DCHS2: variants seen among roughly 807,000 people sequenced by gnomAD.
DCHS2 encodes the protein protocadherin-23.
Under a neutral mutation model 182.4 loss-of-function variants are expected in DCHS2, and 142 were observed. The ratio of observed to expected loss-of-function variants is 0.78; its 90% CI spans 0.68 to 0.89. The LOEUF (loss-of-function observed/expected upper bound fraction) is 0.89, where lower values mean the gene tolerates loss of function less well. DCHS2 is among the 40% of genes least tolerant of loss of function. The probability of loss-of-function intolerance (pLI) is 0.00; values close to 1 mark genes in which losing one functional copy is unlikely to be tolerated. For synonymous variants in DCHS2, 1,740 were observed against 1,663.3 expected, an observed-to-expected ratio of 1.05 and a Z score of -1.12; for missense variants, 4,319 against 4,198.6, an observed-to-expected ratio of 1.03 and a Z score of -0.79.
In DCHS2 at chr4:154,320,376, T is replaced by G; in HGVS notation, c.5020+3A>C. The G allele has an allele frequency of 6.2e-6, 10 of 1,612,784 alleles. No individual in the cohort carries two copies. Among genetic ancestry groups the G allele is most frequent in the Non-Finnish European group, 8.5e-6 (10 of 1,179,186 alleles). On this transcript the variant is annotated splice_donor_region_variant and intron_variant, in intron 9 of 19. Coordinates refer to ENST00000357232, the MANE Select transcript of DCHS2 (RefSeq NM_001358235.2). ...TTTAAAAGTGACATATAGGGCACTG[T>G]ACCTGATGACTCATCTAGCATAAAC...
At chr4:154,261,693 AC>A (rs376356212) in intron 14 of DCHS2, 1 of 151,948 alleles carries the variant, frequency 6.6e-6, no homozygotes, top group Non-Finnish European at 1.5e-5. Context: ...GGAAAAAAAA[AC>A]AATATATATT....
intron 3 of DCHS2, among the ~76,000 whole-genome samples, chr4:154,360,484 TAG>T (rs1220454419): frequency 2.0e-5 from 3 of 152,134 alleles, no homozygotes; most frequent in Non-Finnish European, 4.4e-5. Flanking sequence ...TGATTAATTT[TAG>T]ACTCTGTCTT....
chr4:154,414,484 TTTC>T (rs143328783), intron 1 of DCHS2, among the ~76,000 whole-genome samples: 19,665 of 113,010 alleles, frequency 0.17, 1,557 homozygotes, highest in East Asian at 0.37. Flanking sequence ...TCCATACAGC[TTTC>T]TTTTTTTTTT....
rs759909081 is a variant in DCHS2 at position 154,366,233 on chromosome 4, A to T, written c.2453T>A (p.Leu818His). 3.7e-6 allele frequency: 6 copies of T among 1,613,584 alleles called. No individual in the cohort carries two copies. The highest frequency in any genetic ancestry group is 2.7e-5 in the African/African-American group (2 of 74,904). ...YELIPGNVSS[L>H]FTIDSTTGII... ...ACCTGTGGTGGAGTCAATGGTAAAAAGGGACGACACGTTTCCTGGAATAAG... is the reference window on the plus strand; with the variant it reads ...ACCTGTGGTGGAGTCAATGGTAAAATGGGACGACACGTTTCCTGGAATAAG... The change falls in exon 3 of 20, where the codon CTT becomes CAT. Residue 818 changes from leucine (L) to histidine (H), a missense_variant. Coordinates refer to ENST00000357232, the MANE Select transcript of DCHS2 (RefSeq NM_001358235.2).
intron 1 of DCHS2, among the ~76,000 whole-genome samples, chr4:154,410,970 ATACG>A (rs1732606415): frequency 6.6e-6 from 1 of 152,234 alleles, no homozygotes; most frequent in East Asian, 1.9e-4. Flanking sequence ...ATGAGATGTT[ATACG>A]CAAAATGCTA....
intron 1 of DCHS2, among the ~76,000 whole-genome samples, chr4:154,448,704 C>A (rs189534408): frequency 4.7e-4 from 71 of 152,344 alleles, no homozygotes; most frequent in Admixed American, 1.3e-3. Context: ...GCTCTCTACT[C>A]CAGCCATATG....
At chr4:154,444,730 C>T (rs1055712627) in intron 1 of DCHS2, among the ~76,000 whole-genome samples, 2 of 152,174 alleles carry the variant, frequency 1.3e-5, no homozygotes, top group Non-Finnish European at 2.9e-5. Context: ...CAAAAGCCTT[C>T]ACTCACTTTC....
rs1728714520 is a variant in DCHS2, at chr4:154,334,869, C to T, written c.2712G>A (p.Leu904=). Residue 904 remains leucine (L), a splice_region_variant and synonymous_variant, in exon 4 of 20, where the codon TTG becomes TTA. Coordinates refer to ENST00000357232, the MANE Select transcript of DCHS2 (RefSeq NM_001358235.2). ...PIGTVKAREP[L]NSSEPIFYRI... ...GCAGCATAAGAAATAAGTACTTACTCAAGGGCTCTCTTGCTTTCACTGTTC... is the reference window on the plus strand; with the variant it reads ...GCAGCATAAGAAATAAGTACTTACTTAAGGGCTCTCTTGCTTTCACTGTTC... The T allele has an allele frequency of 1.2e-6, 2 of 1,607,896 alleles. No individual in the cohort carries two copies. Among genetic ancestry groups the T allele is most frequent in the Non-Finnish European group, 1.7e-6 (2 of 1,174,340 alleles).
intron 16 of DCHS2, among the ~76,000 whole-genome samples, chr4:154,249,739 G>A (rs1389658040): frequency 1.3e-5 from 2 of 152,172 alleles, no homozygotes; most frequent in Non-Finnish European, 2.9e-5. Flanking sequence ...CATGTCTTTT[G>A]CAGAAACATG....
chr4:154,457,793 G>A (rs1356596413), intron 1 of DCHS2, among the ~76,000 whole-genome samples: 1 of 152,142 alleles, frequency 6.6e-6, no homozygotes, highest in Non-Finnish European at 1.5e-5. Context: ...TCTACTGCCA[G>A]TTTCTGCTTC....
chr4:154,342,321 G>A (rs1387238573), intron 3 of DCHS2, among the ~76,000 whole-genome samples: 1 of 152,158 alleles, frequency 6.6e-6, no homozygotes, highest in African/African-American at 2.4e-5. Context: ...TCAGTGTGGT[G>A]GTTACTGAAG....
chr4:154,446,313 C>A (rs1047532788), intron 1 of DCHS2, among the ~76,000 whole-genome samples: 1 of 152,140 alleles, frequency 6.6e-6, no homozygotes, highest in Non-Finnish European at 1.5e-5. Context: ...CACCATATTT[C>A]GATTTGTACC....
intron 3 of DCHS2, among the ~76,000 whole-genome samples, chr4:154,336,505 T>C (rs1227182079): frequency 3.3e-5 from 5 of 152,224 alleles, no homozygotes; most frequent in Admixed American, 3.3e-4. Flanking sequence ...TACTGCAGTC[T>C]TTGCCAGTTT....
At chr4:154,336,631 GTTTCTA>G (rs1463147368) in intron 3 of DCHS2, among the ~76,000 whole-genome samples, 1 of 151,956 alleles carries the variant, frequency 6.6e-6, no homozygotes, top group African/African-American at 2.4e-5. Context: ...TCGATTTCTT[GTTTCTA>G]TTTCTATTAG....
Position 154,332,854 on chromosome 4 carries a change from C to T in DCHS2, c.3354G>A (p.Ser1118=). 2 of 1,614,216 alleles carry T rather than the reference C, an allele frequency of 1.2e-6. No homozygotes were observed. Among genetic ancestry groups the T allele is most frequent in the Non-Finnish European group, 1.7e-6 (2 of 1,180,036 alleles). The change falls in exon 5 of 20, where the codon TCG becomes TCA. Residue 1118 remains serine, a synonymous_variant. Transcript: ENST00000357232. ...TGGGTTCCAGCGAGTACCTAAGAGG[C>T]GAGGCTGCACGCTGGGGGCCAAGTG... ...AHPLGPQRAA[S]PLRYSLEPSV...
At chr4:154,444,555 C>G (rs145066722) in intron 1 of DCHS2, among the ~76,000 whole-genome samples, 1 of 152,172 alleles carries the variant, frequency 6.6e-6, no homozygotes, top group Non-Finnish European at 1.5e-5. Flanking sequence ...CTGGGCTGAG[C>G]CAGCACCACC....
intron 16 of DCHS2, among the ~76,000 whole-genome samples, 198 bp downstream of exon 16, chr4:154,255,321 T>C (rs572769759): frequency 3.7e-4 from 57 of 152,328 alleles, no homozygotes; most frequent in African/African-American, 1.3e-3. Flanking sequence ...TTTAATCACT[T>C]TTTTCCAAAT....
intron 1 of DCHS2, among the ~76,000 whole-genome samples, chr4:154,426,786 T>TAAAAATAAAAATAAAGATAAAAA (rs372748862): frequency 8.1e-5 from 12 of 147,924 alleles, no homozygotes; most frequent in Non-Finnish European, 1.5e-4. Context: ...AAAAATAAAC[T>TAAAAATAAAAATAAAGATAAAAA]TAAAAATAAA....
intron 1 of DCHS2, among the ~76,000 whole-genome samples, chr4:154,483,774 G>A (rs1736011524): frequency 6.6e-6 from 1 of 151,778 alleles, no homozygotes; most frequent in East Asian, 1.9e-4. Flanking sequence ...CAAGCACATA[G>A]CATTATCATC....
Sources: allele counts gnomAD v4.1 joint callset (sites outside exome capture counted in the v4.1 genomes callset), GRCh38; gene constraint gnomAD v4.1.1; transcripts MANE v1.5; gene names NCBI Gene and HGNC (gene_info 2026-07-23, HGNC 2026-07-21).